The following PLAC8L1 variants were observed in gnomAD, a reference collection of about 807,000 sequenced individuals.
The protein encoded by PLAC8L1 is PLAC8-like protein 1.
Under a neutral mutation model 16.3 loss-of-function variants are expected in PLAC8L1, and 13 were observed. That is an observed-to-expected ratio of 0.80 (90% CI 0.52 to 1.27). The LOEUF is 1.27. PLAC8L1 is among the 50% of genes most tolerant of loss of function. The pLI, the probability that PLAC8L1 is intolerant of heterozygous loss-of-function variation, is 0.00. For synonymous variants in PLAC8L1, 78 were observed against 79.3 expected (o/e 0.98, Z 0.09); for missense variants, 184 against 220.2 (o/e 0.84, Z 1.04).
chr5:146,104,505 G>A lies in PLAC8L1; in HGVS notation c.-194C>T, dbSNP rs1763876967. 2.0e-6 allele frequency: 1 copy of A among 501,528 alleles called. No homozygotes were observed. The highest frequency in any genetic ancestry group is 3.4e-5 in the Admixed American group (1 of 29,782). 31.1% of individuals were successfully genotyped at this position (501,528 alleles called of 1,614,324 possible). ...AAAAACAGGTATACACCTAACTGTG[G>A]ACACATTCATCTTACTAATCTGTAG... On this transcript the variant is annotated 5_prime_UTR_variant, in exon 1 of 4. Coordinates refer to ENST00000311450, the MANE Select transcript of PLAC8L1 (RefSeq NM_001029869.3).
At chr5:146,092,371 GT>G (rs1763634133) in intron 2 of PLAC8L1, among the ~76,000 whole-genome samples, 1 of 152,030 alleles carries the variant, frequency 6.6e-6, no homozygotes, top group African/African-American at 2.4e-5. Context: ...CTCTTTAGTG[GT>G]TATCCAACAG....
At chr5:146,085,646 C>G in intron 2 of PLAC8L1, 49 bp from the exon 3 acceptor site, 2 of 1,571,360 alleles carry the variant, frequency 1.3e-6, no homozygotes, top group Non-Finnish European at 1.7e-6. Context: ...TTTCTTGGAG[C>G]AACTTCACAT....
intron 1 of PLAC8L1, among the ~76,000 whole-genome samples, chr5:146,102,360 G>A (rs934290395): frequency 2.0e-5 from 3 of 152,062 alleles, no homozygotes; most frequent in African/African-American, 7.2e-5. Context: ...TAAAATGTTT[G>A]AATTGACATA....
intron 1 of PLAC8L1, among the ~76,000 whole-genome samples, chr5:146,103,470 C>A (rs2150039407): frequency 6.6e-6 from 1 of 151,880 alleles, no homozygotes; most frequent in South Asian, 2.1e-4. Context: ...CAGACCCCAT[C>A]TCTTAAAAAA....
rs573725652 is a variant in PLAC8L1, at chr5:146,104,829, T to C, written c.-518A>G. On this transcript the variant is annotated 5_prime_UTR_variant, in exon 1 of 4. Coordinates refer to ENST00000311450, the MANE Select transcript of PLAC8L1 (RefSeq NM_001029869.3). ...AGGTATTGTATTTGAATCCATCTTA[T>C]GAAAGGTGGTCTCCTCAAGTTTGAG... is the stretch of plus-strand genomic sequence containing the variant. The C allele has an allele frequency of 2.0e-5, 3 of 153,392 alleles. No individual in the cohort carries two copies. The highest frequency in any genetic ancestry group is 4.8e-5 in the African/African-American group (2 of 41,586). 9.5% of individuals were successfully genotyped at this position (153,392 alleles called of 1,614,324 possible).
intron 1 of PLAC8L1, among the ~76,000 whole-genome samples, 187 bp from the exon 2 acceptor site, chr5:146,098,479 C>T (rs946360594): frequency 5.3e-5 from 8 of 152,018 alleles, no homozygotes; most frequent in African/African-American, 1.9e-4. Flanking sequence ...GGCTTTTTGC[C>T]TCATCTCTAT....
Position 146,105,176 on chromosome 5 carries a change from A to G in PLAC8L1, c.-865T>C, listed in dbSNP as rs1561787493. On this transcript the variant is annotated 5_prime_UTR_variant, in exon 1 of 4. The change abolishes an upstream ATG in the 5' untranslated region. Coordinates refer to ENST00000311450, the MANE Select transcript of PLAC8L1 (RefSeq NM_001029869.3). Reference sequence around the variant, plus strand: ...AAGGGCTCTGCAATCATAATTTGACATTACATTAGAAAGACATCAGGAGGA... The same window carrying G: ...AAGGGCTCTGCAATCATAATTTGACGTTACATTAGAAAGACATCAGGAGGA... Among the ~76,000 whole-genome samples the G allele has an allele frequency of 6.6e-6, 1 of 152,216 alleles. No individual in the cohort carries two copies. Among genetic ancestry groups the G allele is most frequent in the Non-Finnish European group, 1.5e-5 (1 of 68,030 alleles).
rs548962660 is a variant in PLAC8L1, at chr5:146,093,940, G to A, written c.256+4216C>T. On this transcript the variant is annotated intron_variant, in intron 2 of 3. Coordinates refer to ENST00000311450, the MANE Select transcript of PLAC8L1 (RefSeq NM_001029869.3). ...CTTTCCTATCTTTCAGGTAACAGCT[G>A]AAGTCAGCTCCTCAGAGAGACTGTC... Among the ~76,000 whole-genome samples, 29 of 152,338 alleles carry A rather than the reference G, an allele frequency of 1.9e-4. 1 individual carries two copies. The highest frequency in any genetic ancestry group is 3.4e-3 in the Middle Eastern group (1 of 294).
chr5:146,085,710 T>C, intron 2 of PLAC8L1, 113 bp from the exon 3 acceptor site: 1 of 1,149,912 alleles, frequency 8.7e-7, no homozygotes, highest in Non-Finnish European at 1.2e-6. Context: ...ACTGTCTCCC[T>C]GCTATCAGAC....
chr5:146,101,953 G>T (rs1267103582), intron 1 of PLAC8L1, among the ~76,000 whole-genome samples: 4 of 151,790 alleles, frequency 2.6e-5, no homozygotes, highest in Non-Finnish European at 5.9e-5. Flanking sequence ...AGCAAGGAAT[G>T]CTGTATTCTA....
At chr5:146,101,994 G>A (rs1763826206) in intron 1 of PLAC8L1, among the ~76,000 whole-genome samples, 1 of 149,834 alleles carries the variant, frequency 6.7e-6, no homozygotes, top group African/African-American at 2.4e-5. Context: ...TAACAGGATA[G>A]CTTTTCCTTA....
intron 1 of PLAC8L1, among the ~76,000 whole-genome samples, chr5:146,099,143 G>C (rs1166547917): frequency 6.6e-6 from 1 of 152,110 alleles, no homozygotes; most frequent in Non-Finnish European, 1.5e-5. Flanking sequence ...CATAGTGAAG[G>C]GTAAGTTGCA....
In PLAC8L1 at chr5:146,084,728, T is replaced by C; in HGVS notation, c.394-156A>G. ...GCCCAGGGACACTAAGTTGCATAAG[T>C]GCCAAGCAGCTGAATTGCTAATCAA... On this transcript the variant is annotated intron_variant, in intron 3 of 3. Transcript: ENST00000311450. 4 of 935,266 alleles carry C rather than the reference T, an allele frequency of 4.3e-6. No individual in the cohort carries two copies. In the South Asian group the frequency reaches 7.8e-5, roughly 18 times the overall value. The allele number at this position is 935,266 out of a possible 1,614,324, so 57.9% of individuals were successfully genotyped here.
chr5:146,093,173 A>G (rs1265765226), intron 2 of PLAC8L1, among the ~76,000 whole-genome samples: 1 of 151,768 alleles, frequency 6.6e-6, no homozygotes, highest in Non-Finnish European at 1.5e-5. Flanking sequence ...ATACTTTTAT[A>G]ATTAAACATC....
intron 3 of PLAC8L1, 88 bp downstream of exon 3, chr5:146,085,373 C>A: frequency 1.4e-6 from 2 of 1,426,166 alleles, no homozygotes; most frequent in Non-Finnish European, 1.9e-6. Context: ...CCTCACCCAC[C>A]CTTCTTTTAT....
chr5:146,093,045 C>T (rs1436364051), intron 2 of PLAC8L1, among the ~76,000 whole-genome samples: 1 of 152,048 alleles, frequency 6.6e-6, no homozygotes, highest in East Asian at 1.9e-4. Context: ...ATAAGCAAAA[C>T]ATCTAGAAGG....
intron 1 of PLAC8L1, chr5:146,099,391 G>A (rs139300599): frequency 6.6e-6 from 1 of 152,360 alleles, no homozygotes; most frequent in African/African-American, 2.4e-5. Context: ...GTAGGGTGCG[G>A]CGGCTCATGC....
Position 146,092,535 on chromosome 5 carries a change from A to ATTTTT in PLAC8L1, c.256+5616_256+5620dup, listed in dbSNP as rs35101919. Among the ~76,000 whole-genome samples the ATTTTT allele has an allele frequency of 1.3e-4, 13 of 100,380 alleles. 1 individual carries two copies. The highest frequency in any genetic ancestry group is 3.2e-4 in the South Asian group (1 of 3,134). The allele number at this position is 100,380 out of a possible 152,430, so 65.9% of individuals were successfully genotyped here. ...CATTCATACAATGGAATCTTTGCAG[A>ATTTTT]TTTTTTTTTTTTTTTTTTTTTTTTG... On this transcript the variant is annotated intron_variant, in intron 2 of 3. Transcript: ENST00000311450.
chr5:146,097,194 G>C (rs1258048474), intron 2 of PLAC8L1, among the ~76,000 whole-genome samples: 1 of 152,204 alleles, frequency 6.6e-6, no homozygotes, highest in East Asian at 1.9e-4. Context: ...TGGTACCAAA[G>C]ATGGGTCAGA....
Sources: allele counts gnomAD v4.1 joint callset (sites outside exome capture counted in the v4.1 genomes callset), GRCh38; gene constraint gnomAD v4.1.1; transcripts MANE v1.5; gene names NCBI Gene and HGNC (gene_info 2026-07-23, HGNC 2026-07-21).